SAXO4: variants seen among roughly 807,000 people sequenced by gnomAD.
The protein encoded by SAXO4 is stabilizer of axonemal microtubules 4, also known as protein phosphatase 1 regulatory subunit 32.
the SAXO4 span, among the ~76,000 whole-genome samples, chr11:61,487,583 C>T: frequency 2.0e-5 from 3 of 152,202 alleles, no homozygotes; most frequent in African/African-American, 4.8e-5. Context: ...CCCCCACATC[C>T]ATCGGTCATT....
At chr11:61,486,151 C>T in the SAXO4 span, among the ~76,000 whole-genome samples, 1 of 152,246 alleles carries the variant, frequency 6.6e-6, no homozygotes, top group African/African-American at 2.4e-5. Context: ...GAGCCCTGGC[C>T]TGCTGGTCCC....
At chr11:61,490,021 C>T in the SAXO4 span, 1 of 1,422,914 alleles carries the variant, frequency 7.0e-7, no homozygotes, top group Admixed American at 2.0e-5. Flanking sequence ...CCCTTCCTCT[C>T]CTCTCTTGCT....
At chr11:61,482,240 C>T in the SAXO4 span, 147 of 1,403,920 alleles carry the variant, frequency 1.0e-4, no homozygotes, top group African/African-American at 1.7e-3. Context: ...CCTCGGAGGA[C>T]GCTGGCCCTG....
At chr11:61,490,520 C>T in the SAXO4 span, 26 of 1,614,018 alleles carry the variant, frequency 1.6e-5, no homozygotes, top group Non-Finnish European at 1.5e-5. Flanking sequence ...CTCAGCTGAC[C>T]CCTTCTACCA....
At chr11:61,486,428 G>A in the SAXO4 span, 1 of 1,613,942 alleles carries the variant, frequency 6.2e-7, no homozygotes, top group African/African-American at 1.3e-5. Flanking sequence ...GGGGAGGCTG[G>A]GGACCGCCTG....
the SAXO4 span, chr11:61,485,705 T>A: frequency 1.1e-6 from 1 of 942,716 alleles, no homozygotes; most frequent in Non-Finnish European, 1.7e-6. Context: ...GATCTTGGGA[T>A]CCACTCCCTC....
chr11:61,484,804 G>A, the SAXO4 span: 1 of 1,596,148 alleles, frequency 6.3e-7, no homozygotes, highest in Non-Finnish European at 8.5e-7. Context: ...TGGAGCGGGA[G>A]AACTTCCGAC....
At chr11:61,483,247 A>G in the SAXO4 span, among the ~76,000 whole-genome samples, 1 of 146,372 alleles carries the variant, frequency 6.8e-6, no homozygotes, top group East Asian at 2.0e-4. Context: ...GCTCACTGCA[A>G]CCTCCACCTC....
At chr11:61,490,855 AC>A in the SAXO4 span, 1 of 515,052 alleles carries the variant, frequency 1.9e-6, no homozygotes, top group Non-Finnish European at 3.5e-6. Context: ...TACTGTCTGT[AC>A]CCCCACTCCA....
chr11:61,486,222 C>T, the SAXO4 span: 2 of 996,366 alleles, frequency 2.0e-6, no homozygotes, highest in Non-Finnish European at 3.0e-6. Context: ...CAGTGATGCC[C>T]ATTTGAGCTG....
the SAXO4 span, chr11:61,487,046 G>A: frequency 6.2e-7 from 1 of 1,614,064 alleles, no homozygotes; most frequent in Non-Finnish European, 8.5e-7. Flanking sequence ...TTGGCCGGGA[G>A]ACTGTGGGGA....
At chr11:61,488,185 C>T in the SAXO4 span, among the ~76,000 whole-genome samples, 1 of 151,870 alleles carries the variant, frequency 6.6e-6, no homozygotes, top group Non-Finnish European at 1.5e-5. Context: ...TGGGGTTTCG[C>T]CATGTTGGCC....
the SAXO4 span, among the ~76,000 whole-genome samples, chr11:61,483,124 C>T: frequency 6.6e-6 from 1 of 151,964 alleles, no homozygotes; most frequent in Non-Finnish European, 1.5e-5. Flanking sequence ...ACTGTCCCCC[C>T]ACCATGGACA....
the SAXO4 span, chr11:61,485,234 G>C: frequency 2.0e-6 from 2 of 1,003,452 alleles, no homozygotes; most frequent in African/African-American, 1.6e-5. Flanking sequence ...GCCCACACAG[G>C]CTTCCTCAGA....
At chr11:61,486,958 C>T in the SAXO4 span, 1 of 1,614,080 alleles carries the variant, frequency 6.2e-7, no homozygotes, top group African/African-American at 1.3e-5. Flanking sequence ...GTGCCCCCTC[C>T]CTGCCCAGAA....
chr11:61,482,859 C>A, the SAXO4 span: 1 of 1,524,016 alleles, frequency 6.6e-7, no homozygotes, highest in Non-Finnish European at 8.8e-7. Context: ...TGGGGTGGGG[C>A]TAGGGCTGCA....
At chr11:61,487,641 G>C in the SAXO4 span, among the ~76,000 whole-genome samples, 1 of 152,220 alleles carries the variant, frequency 6.6e-6, no homozygotes, top group Non-Finnish European at 1.5e-5. Context: ...GTGCCTCCTT[G>C]CTCAGGCAAA....
the SAXO4 span, chr11:61,486,385 C>T: frequency 1.9e-6 from 3 of 1,614,078 alleles, no homozygotes; most frequent in Middle Eastern, 1.6e-4. Context: ...CAGACTTCCT[C>T]CCCAAGACTC....
chr11:61,482,643 C>A, the SAXO4 span: 1 of 1,613,908 alleles, frequency 6.2e-7, no homozygotes, highest in East Asian at 2.2e-5. Flanking sequence ...TCTAGCTCCT[C>A]CTCACCCTCA....
Sources: allele counts gnomAD v4.1 joint callset (sites outside exome capture counted in the v4.1 genomes callset), GRCh38; gene constraint gnomAD v4.1.1; transcripts MANE v1.5; gene names NCBI Gene and HGNC (gene_info 2026-07-23, HGNC 2026-07-21).